MGAM2: variants seen among roughly 807,000 people sequenced by gnomAD.
MGAM2 encodes probable maltase-glucoamylase 2.
MGAM2 carries 98 observed loss-of-function variants against 96.1 expected under a neutral mutation model. The ratio of observed to expected loss-of-function variants is 1.02; its 90% CI spans 0.87 to 1.21. The LOEUF is 1.21. Among genes scored for constraint, MGAM2 ranks in the 50% most tolerant of loss-of-function variants. The pLI is 0.00. For synonymous variants in MGAM2, 749 were observed against 414.8 expected (o/e 1.81, Z -9.79); for missense variants, 2,055 against 1,182.4 (o/e 1.74, Z -10.82).
At chr7:142,173,116 GT>G (rs2129091165) in intron 30 of MGAM2, 112 bp from the exon 31 acceptor site, 1 of 573,736 alleles carries the variant, frequency 1.7e-6, no homozygotes, top group Non-Finnish European at 3.1e-6. Context: ...TCTTTCTTGG[GT>G]GAGGCCTCTT....
rs1248312181 is a variant in MGAM2 at position 142,166,131 on chromosome 7, C to T, written c.2686C>T (p.Leu896=). 2 of 701,880 alleles carry T rather than the reference C, an allele frequency of 2.8e-6. No homozygotes were observed. Among genetic ancestry groups the T allele is most frequent in the Admixed American group, 2.0e-5 (1 of 49,924 alleles). 43.5% of individuals were successfully genotyped at this position (701,880 alleles called of 1,614,324 possible). ...VTITDLQGLV[L]GQEFSIRWNL... ...CATCACTGATCTCCAAGGACTGGTA[C>T]TGGGACAAGAATTCTCTATTAGGTG... Residue 896 remains leucine, a synonymous_variant, in exon 25 of 48, where the codon CTG becomes TTG. Transcript: ENST00000477922.
intron 13 of MGAM2, 110 bp from the exon 14 acceptor site, chr7:142,144,751 G>A (rs1250522509): frequency 5.4e-5 from 29 of 537,084 alleles, no homozygotes; most frequent in Non-Finnish European, 9.8e-6. Context: ...AATCCAAAAA[G>A]CAGTTGATAA....
intron 32 of MGAM2, among the ~76,000 whole-genome samples, chr7:142,182,060 G>A (rs977186099): frequency 1.8e-4 from 28 of 152,068 alleles, no homozygotes; most frequent in African/African-American, 6.5e-4. Flanking sequence ...CTGGCAGAGG[G>A]AGGCATGCCC....
chr7:142,201,082 CT>C (rs1314170979), intron 45 of MGAM2, among the ~76,000 whole-genome samples: 22 of 108,550 alleles, frequency 2.0e-4, no homozygotes, highest in South Asian at 2.8e-4. Flanking sequence ...TTTTTTTTTT[CT>C]TTTTTTTTTT....
chr7:142,185,762 C>T (rs1487086966), intron 34 of MGAM2, among the ~76,000 whole-genome samples: 1 of 152,046 alleles, frequency 6.6e-6, no homozygotes, highest in Admixed American at 6.6e-5. Context: ...TTAAACAAAT[C>T]CTGTATTTGA....
Position 142,131,081 on chromosome 7 carries a change from G to T in MGAM2, c.310+10G>T. On this transcript the variant is annotated intron_variant, in intron 4 of 47. Coordinates refer to ENST00000477922, the MANE Select transcript of MGAM2 (RefSeq NM_001293626.2). Reference sequence around the variant, plus strand: ...ACAAATACAAGCACAGGTGAGCACTGCCCTGATGTTGCGCCTGGGAACAAC... The same window carrying T: ...ACAAATACAAGCACAGGTGAGCACTTCCCTGATGTTGCGCCTGGGAACAAC... The T allele has an allele frequency of 2.9e-6, 2 of 701,292 alleles. No homozygotes were observed. The highest frequency in any genetic ancestry group is 1.7e-5 in the African/African-American group (1 of 57,350). The allele number at this position is 701,292 out of a possible 1,614,324, so 43.4% of individuals were successfully genotyped here. A position where few individuals can be genotyped will look rare whatever the true frequency, so the allele number is the denominator to read the frequency against.
intron 32 of MGAM2, among the ~76,000 whole-genome samples, chr7:142,178,924 G>T (rs538873371): frequency 2.0e-5 from 3 of 152,058 alleles, no homozygotes; most frequent in Non-Finnish European, 2.9e-5. Context: ...TCATTTGTTT[G>T]TGTCATCTCT....
rs1269301937 is a variant in MGAM2 at position 142,221,045 on chromosome 7, T to C, written c.6534T>C (p.Val2178=). The C allele has an allele frequency of 2.8e-6, 2 of 702,510 alleles. No individual in the cohort carries two copies. The highest frequency in any genetic ancestry group is 4.0e-5 in the Admixed American group (2 of 49,962). The allele number at this position is 702,510 out of a possible 1,614,324, so 43.5% of individuals were successfully genotyped here. A position where few individuals can be genotyped will look rare whatever the true frequency, so the allele number is the denominator to read the frequency against. The change falls in exon 48 of 48, where the codon GTT becomes GTC. Residue 2178 remains valine (V), a synonymous_variant. Coordinates refer to ENST00000477922, the MANE Select transcript of MGAM2 (RefSeq NM_001293626.2). The part of the protein sequence containing the change: ...STDDTVPNNT[V]PVTAIPSLAN... ...ATGATACTGTTCCTAATAATACTGT[T>C]CCAGTTACAGCTATTCCTTCTCTTG...
At chr7:142,131,209 G>T in intron 4 of MGAM2, 138 bp downstream of exon 4, 1 of 618,476 alleles carries the variant, frequency 1.6e-6, no homozygotes, top group Non-Finnish European at 2.9e-6. Context: ...AGAGGCTGAC[G>T]TGGGTGGATC....
chr7:142,142,241 T>C (rs938353114), intron 12 of MGAM2, among the ~76,000 whole-genome samples: 1 of 152,216 alleles, frequency 6.6e-6, no homozygotes, highest in Non-Finnish European at 1.5e-5. Context: ...TTGCTTTTAC[T>C]GTTTCGTTAG....
chr7:142,177,165 A>G (rs1322511439), intron 32 of MGAM2, among the ~76,000 whole-genome samples: 4 of 152,220 alleles, frequency 2.6e-5, no homozygotes, highest in Admixed American at 6.5e-5. Context: ...AAAGATGTTT[A>G]ATGGACTCAC....
rs377682042 is a variant in MGAM2 at position 142,213,345 on chromosome 7, G to T, written c.5187+4723G>T. On this transcript the variant is annotated intron_variant, in intron 46 of 47. Transcript: ENST00000477922. Reference sequence around the variant, plus strand: ...TCAGAGCAGAACTGAAGGAGAGAGAGACACGAAATACCCTTCAAAAAAATC... The same window carrying T: ...TCAGAGCAGAACTGAAGGAGAGAGATACACGAAATACCCTTCAAAAAAATC... Among the ~76,000 whole-genome samples the T allele has an allele frequency of 2.0e-5, 3 of 152,046 alleles. No individual in the cohort carries two copies. The South Asian group carries it at 6.2e-4, about 32-fold the overall frequency.
At chr7:142,147,818 G>A (rs1265711925) in intron 15 of MGAM2, among the ~76,000 whole-genome samples, 1 of 152,172 alleles carries the variant, frequency 6.6e-6, no homozygotes, top group Non-Finnish European at 1.5e-5. Context: ...GCAATACTAT[G>A]TAAGGCATTT....
intron 3 of MGAM2, among the ~76,000 whole-genome samples, chr7:142,125,955 A>G (rs75528183): frequency 0.021 from 3,217 of 152,276 alleles, 122 homozygotes; most frequent in African/African-American, 0.073. Context: ...CCAGAATCAA[A>G]TCAATGGCTT....
At chr7:142,114,133 A>AG (rs1817272878) in intron 1 of MGAM2, among the ~76,000 whole-genome samples, 4 of 131,446 alleles carry the variant, frequency 3.0e-5, no homozygotes, top group Admixed American at 8.2e-5. Context: ...TCCATCTCAA[A>AG]AAAAGAAAGA....
intron 15 of MGAM2, 145 bp from the exon 16 acceptor site, chr7:142,153,873 A>T (rs1056949432): frequency 1.8e-5 from 8 of 447,604 alleles, no homozygotes; most frequent in Non-Finnish European, 3.2e-5. Flanking sequence ...GCTCTTAGAT[A>T]GTACTAAGTT....
rs1795697068 is a variant in MGAM2, at chr7:142,155,004, A to G, written c.1923+159A>G. On this transcript the variant is annotated intron_variant, in intron 17 of 47. Transcript: ENST00000477922. ...GCCTTAAAAAGCAGGGTATCAATCA[A>G]GGTGAGGGTGCATTGGAAGGGATAT... Among the ~76,000 whole-genome samples, 4 of 152,220 alleles carry G rather than the reference A, an allele frequency of 2.6e-5. No individual in the cohort carries two copies. In the South Asian group the frequency reaches 8.3e-4, roughly 31 times the overall value.
intron 46 of MGAM2, among the ~76,000 whole-genome samples, chr7:142,214,369 T>A (rs1797681613): frequency 6.6e-6 from 1 of 152,182 alleles, no homozygotes; most frequent in Admixed American, 6.5e-5. Context: ...AGCCAAATTA[T>A]CTCTATTTGC....
At chr7:142,183,446 A>G in intron 33 of MGAM2, 73 bp downstream of exon 33, 2 of 668,360 alleles carry the variant, frequency 3.0e-6, no homozygotes, top group Non-Finnish European at 5.4e-6. Context: ...CTCAATACAC[A>G]TTGGAAAATA....
Sources: gnomAD v4.1 joint callset for allele counts (sites outside exome capture counted in the v4.1 genomes callset) on GRCh38, gnomAD v4.1.1 for gene constraint, MANE v1.5 for transcripts, NCBI Gene and HGNC (gene_info 2026-07-23, HGNC 2026-07-21) for gene names.